The following ESRRG variants were observed in gnomAD, a reference collection of about 807,000 sequenced individuals.
ESRRG encodes the protein estrogen related receptor gamma.
A neutral mutation model predicts 44.0 loss-of-function variants in ESRRG; 13 were observed. The observed-to-expected ratio is 0.30, with a 90% confidence interval of 0.19 to 0.47. The LOEUF is 0.47. Ranked by LOEUF, ESRRG falls within the 20% of genes least tolerant of loss-of-function variation. The pLI is 1.00. For synonymous variants in ESRRG, 215 were observed against 214.6 expected, an observed-to-expected ratio of 1.00 and a Z score of -0.02; for missense variants, 395 against 580.6, an observed-to-expected ratio of 0.68 and a Z score of 3.29.
intron 1 of ESRRG, among the ~76,000 whole-genome samples, chr1:217,133,645 C>CTTTCTTTTTCTTTCTT (rs1553294787): frequency 4.4e-5 from 4 of 91,728 alleles, no homozygotes; most frequent in Non-Finnish European, 9.0e-5. Flanking sequence ...CTCTCTCTCT[C>CTTTCTTTTTCTTTCTT]TCTTTCTTTC....
In ESRRG at chr1:216,981,279, G is replaced by T. The variant is rs11806087; in HGVS notation, c.-105-41606C>A. 5.3e-3 allele frequency among the ~76,000 whole-genome samples: 813 copies of T among 152,244 alleles called. 8 individuals carry two copies. Among genetic ancestry groups the T allele is most frequent in the African/African-American group, 0.019 (801 of 41,554 alleles). The stretch of plus-strand genomic sequence containing the variant: ...TGTCTCTTCAACTAATTTGTCCTCT[G>T]GTTTCACTGGATTTCTCAAAGAACG... On this transcript the variant is annotated intron_variant, in intron 1 of 7. Coordinates refer to the ESRRG transcript ENST00000359162.
rs77584762 is a variant in ESRRG at position 216,799,620 on chromosome 1, G to A, written c.-13-122129C>T. Among the ~76,000 whole-genome samples, 660 of 152,168 alleles carry A rather than the reference G, an allele frequency of 4.3e-3. 3 individuals carry two copies. The highest frequency in any genetic ancestry group is 0.015 in the African/African-American group (630 of 41,530). ...TAGATGGACTGGAAAGAATGTATAC[G>A]AAAGAAAATGAGGAATATGCAATGA... On this transcript the variant is annotated intron_variant, in intron 2 of 7. Coordinates refer to the ESRRG transcript ENST00000359162.
chr1:216,982,296 A>G (rs2074096676), intron 1 of ESRRG, among the ~76,000 whole-genome samples: 1 of 152,216 alleles, frequency 6.6e-6, no homozygotes, highest in African/African-American at 2.4e-5. Flanking sequence ...GATATTTTCT[A>G]GAAAAAAGTA....
intron 2 of ESRRG, among the ~76,000 whole-genome samples, chr1:216,754,134 A>G (rs2092291181): frequency 6.6e-6 from 1 of 152,052 alleles, no homozygotes; most frequent in Non-Finnish European, 1.5e-5. Flanking sequence ...ACATTTTAAA[A>G]GAGATGGAGG....
At chr1:216,879,967 G>A (rs1374968156) in intron 2 of ESRRG, among the ~76,000 whole-genome samples, 1 of 151,948 alleles carries the variant, frequency 6.6e-6, no homozygotes, top group Non-Finnish European at 1.5e-5. Context: ...TATTGACAAG[G>A]TGTGTATTTA....
intron 2 of ESRRG, among the ~76,000 whole-genome samples, chr1:216,734,460 G>C (rs144876399): frequency 6.6e-6 from 1 of 152,186 alleles, no homozygotes; most frequent in African/African-American, 2.4e-5. Context: ...TCACTAGAAA[G>C]CTGGATGTTT....
At chr1:216,669,867 C>G (rs1382798298) in intron 2 of ESRRG, among the ~76,000 whole-genome samples, 3 of 150,390 alleles carry the variant, frequency 2.0e-5, no homozygotes, top group African/African-American at 7.4e-5. Flanking sequence ...GCCTGGGTAA[C>G]AGAAAGAGAC....
At chr1:216,750,451 T>TA (rs1275708760) in intron 2 of ESRRG, among the ~76,000 whole-genome samples, 1 of 152,112 alleles carries the variant, frequency 6.6e-6, no homozygotes, top group Admixed American at 6.6e-5. Context: ...TGTGGTCTTT[T>TA]AAAAAAATAT....
intron 2 of ESRRG, among the ~76,000 whole-genome samples, chr1:216,836,093 CA>C (rs34241468): frequency 0.033 from 3,270 of 97,726 alleles, 105 homozygotes; most frequent in African/African-American, 0.093. Context: ...GCTGCGATTT[CA>C]AAAAAAAAAA....
chr1:216,926,539 A>G (rs529818971), intron 2 of ESRRG, among the ~76,000 whole-genome samples: 3 of 152,316 alleles, frequency 2.0e-5, no homozygotes, highest in South Asian at 2.1e-4. Flanking sequence ...AAGGGGAAAA[A>G]GTTACATTTA....
intron 3 of ESRRG, among the ~76,000 whole-genome samples, chr1:216,617,420 A>G (rs1489742815): frequency 6.6e-6 from 1 of 151,986 alleles, no homozygotes; most frequent in East Asian, 1.9e-4. Context: ...GCAACGCAGT[A>G]TCATGAGCTG....
intron 3 of ESRRG, among the ~76,000 whole-genome samples, chr1:216,569,190 G>GGGAAGGAAAAGGAAA (rs1553356429): frequency 3.7e-5 from 2 of 53,838 alleles, no homozygotes; most frequent in African/African-American, 2.3e-4. Flanking sequence ...GGGAAGGGAA[G>GGGAAGGAAAAGGAAA]GGAAAGGAAA....
chr1:216,585,497 C>A (rs1399292822), intron 3 of ESRRG, among the ~76,000 whole-genome samples: 1 of 95,560 alleles, frequency 1.0e-5, no homozygotes, highest in Non-Finnish European at 2.0e-5. Context: ...GTAAATAAAT[C>A]CCAAAATATT....
At chr1:216,601,331 TGCGCGCGTCCGGAGCCGAC>T (rs2059219383) in intron 3 of ESRRG, among the ~76,000 whole-genome samples, 1 of 152,014 alleles carries the variant, frequency 6.6e-6, no homozygotes, top group East Asian at 1.9e-4. Flanking sequence ...CGGAGGGCGC[TGCGCGCGTCCGGAGCCGAC>T]GCCGGGCTTC....
At chr1:216,768,241 A>G (rs1382449826) in intron 2 of ESRRG, among the ~76,000 whole-genome samples, 1 of 152,156 alleles carries the variant, frequency 6.6e-6, no homozygotes, top group Non-Finnish European at 1.5e-5. Flanking sequence ...CTGCCCTGTT[A>G]TAGCATGTAA....
chr1:217,010,325 A>G (rs185371115), intron 1 of ESRRG, among the ~76,000 whole-genome samples: 3 of 152,334 alleles, frequency 2.0e-5, no homozygotes, highest in Non-Finnish European at 4.4e-5. Context: ...CATTTTTAAA[A>G]ACATATTTTA....
chr1:217,114,014 A>G (rs72743322), intron 1 of ESRRG, among the ~76,000 whole-genome samples: 11,088 of 151,918 alleles, frequency 0.073, 486 homozygotes, highest in East Asian at 0.22. Context: ...GAAAAAAAAA[A>G]GGAAATTGGA....
intron 1 of ESRRG, among the ~76,000 whole-genome samples, chr1:216,952,985 A>C (rs1268888746): frequency 1.3e-5 from 2 of 152,132 alleles, no homozygotes; most frequent in African/African-American, 4.8e-5. Flanking sequence ...CATGTCTACA[A>C]TCTGCATATG....
chr1:216,973,337 A>C (rs2072111853), intron 1 of ESRRG, among the ~76,000 whole-genome samples: 1 of 152,262 alleles, frequency 6.6e-6, no homozygotes, highest in African/African-American at 2.4e-5. Context: ...ACTTCAGCCC[A>C]GTCCTTCTGC....
Sources: gnomAD v4.1 joint callset for allele counts (sites outside exome capture counted in the v4.1 genomes callset) on GRCh38, gnomAD v4.1.1 for gene constraint, MANE v1.5 for transcripts, NCBI Gene and HGNC (gene_info 2026-07-23, HGNC 2026-07-21) for gene names.